The following TDRD12 variants were observed in gnomAD, a reference collection of about 807,000 sequenced individuals.
The protein encoded by TDRD12 is putative ATP-dependent RNA helicase TDRD12.
TDRD12 carries 158 observed loss-of-function variants against 133.5 expected under a neutral mutation model. The observed-to-expected ratio is 1.18, with a 90% confidence interval of 1.04 to 1.35. The LOEUF is 1.35. Ranked by LOEUF, TDRD12 falls within the 40% of genes most tolerant of loss-of-function variation. TDRD12 has a pLI of 0.00. For synonymous variants in TDRD12, 460 were observed against 477.9 expected (o/e 0.96, Z 0.49); for missense variants, 1,443 against 1,321.3 (o/e 1.09, Z -1.43).
chr19:32,740,001 C>T (rs1451789825), intron 3 of TDRD12, among the ~76,000 whole-genome samples: 1 of 104,276 alleles, frequency 9.6e-6, no homozygotes, highest in African/African-American at 4.0e-5. Flanking sequence ...CCTGGGTGCT[C>T]TCTGCATCTC....
At chr19:32,800,478 T>C (rs1037277741) in intron 17 of TDRD12, 120 bp downstream of exon 17, 1 of 989,154 alleles carries the variant, frequency 1.0e-6, no homozygotes, top group Non-Finnish European at 1.4e-6. Context: ...ATTACAGCTT[T>C]GATTTCATAT....
rs774233020 is a variant in TDRD12 at position 32,800,549 on chromosome 19, C to T, written c.1951-95C>T. ...TTTAAATTTATATTGATTTCCTATACATTCTTTTCTATTAAAATCCCAACA... is the reference window on the plus strand; with the variant it reads ...TTTAAATTTATATTGATTTCCTATATATTCTTTTCTATTAAAATCCCAACA... On this transcript the variant is annotated intron_variant, in intron 17 of 27. Transcript: ENST00000444215. The T allele has an allele frequency of 2.0e-4, 217 of 1,062,662 alleles. 1 individual carries two copies. The highest frequency in any genetic ancestry group is 2.7e-4 in the Non-Finnish European group (211 of 776,630). The allele number at this position is 1,062,662 out of a possible 1,614,324, so 65.8% of individuals were successfully genotyped here. A position where few individuals can be genotyped will look rare whatever the true frequency, so the allele number is the denominator to read the frequency against.
At chr19:32,767,097 TTTATTTA>T (rs1568466817) in intron 8 of TDRD12, among the ~76,000 whole-genome samples, 2 of 19,330 alleles carry the variant, frequency 1.0e-4, no homozygotes, top group Admixed American at 3.9e-4. Flanking sequence ...ATGCATTTTA[TTTATTTA>T]TTTATTTATT....
At chr19:32,818,111 C>A (rs1290202529) in exon 27 of TDRD12, 1 of 702,638 alleles carries the variant, frequency 1.4e-6, no homozygotes, top group African/African-American at 1.8e-5. Flanking sequence ...AGGGACCAGT[C>A]CTGCTCAAGA....
At chr19:32,758,659 G>A (rs1048843368) in intron 8 of TDRD12, among the ~76,000 whole-genome samples, 4 of 152,174 alleles carry the variant, frequency 2.6e-5, no homozygotes, top group Non-Finnish European at 4.4e-5. Flanking sequence ...TCAGGGCCAG[G>A]TGCAGTGGCT....
intron 8 of TDRD12, among the ~76,000 whole-genome samples, chr19:32,762,066 CT>C (rs34124163): frequency 0.25 from 38,004 of 152,084 alleles, 5,098 homozygotes; most frequent in Middle Eastern, 0.33. Flanking sequence ...TTTAGGAGTC[CT>C]TTGTACATTT....
At chr19:32,795,442 G>A (rs1207048949) in intron 14 of TDRD12, among the ~76,000 whole-genome samples, 4 of 152,106 alleles carry the variant, frequency 2.6e-5, no homozygotes, top group South Asian at 4.1e-4. Flanking sequence ...CATGAGATGG[G>A]CATTGTTCTG....
At chr19:32,827,211 G>A in exon 10 of TDRD12, 2 of 1,232,076 alleles carry the variant, frequency 1.6e-6, no homozygotes. Context: ...GGTGGTTGAA[G>A]ACAGTAGCAG....
rs1201250520 is a variant in TDRD12, at chr19:32,781,097, C to G, written c.1121+3868C>G. The stretch of plus-strand genomic sequence containing the variant: ...AGCTGGGGCTACAGGCACCCACCAT[C>G]ACGCCTGGCTAATTTTTTTGTATTT... On this transcript the variant is annotated intron_variant, in intron 11 of 27. Coordinates refer to ENST00000444215, the Ensembl canonical transcript of TDRD12. Among the ~76,000 whole-genome samples, 39 of 152,148 alleles carry G rather than the reference C, an allele frequency of 2.6e-4. No homozygotes were observed. In the East Asian group the frequency reaches 3.9e-3, roughly 15 times the overall value.
At chr19:32,738,660 A>G (rs1969297766) in intron 2 of TDRD12, among the ~76,000 whole-genome samples, 196 bp from the exon 3 acceptor site, 1 of 152,114 alleles carries the variant, frequency 6.6e-6, no homozygotes, top group Non-Finnish European at 1.5e-5. Context: ...CTAAAATACA[A>G]AAATTAGCCA....
downstream of TDRD12, chr19:32,821,353 G>T (rs1275376568): frequency 1.7e-6 from 1 of 573,302 alleles, no homozygotes; most frequent in African/African-American, 1.9e-5. Flanking sequence ...CAGATGTTAA[G>T]TGAACAGCTC....
chr19:32,743,290 T>G (rs1051217609), intron 4 of TDRD12, among the ~76,000 whole-genome samples: 1 of 152,106 alleles, frequency 6.6e-6, no homozygotes, highest in African/African-American at 2.4e-5. Context: ...CCAGCAATCC[T>G]CCTACCTCAG....
At chr19:32,794,660 C>T (rs1204727527) in exon 14 of TDRD12, 1 of 702,892 alleles carries the variant, frequency 1.4e-6, no homozygotes. Flanking sequence ...CGGGCCCCAG[C>T]CACACTGAAT....
intron 1 of TDRD12, among the ~76,000 whole-genome samples, chr19:32,723,730 A>G (rs1968767954): frequency 1.3e-5 from 2 of 151,146 alleles, no homozygotes; most frequent in South Asian, 2.1e-4. Context: ...AGAGAAATAT[A>G]TATTAATACA....
intron 14 of TDRD12, among the ~76,000 whole-genome samples, chr19:32,796,463 T>C (rs1001612333): frequency 3.3e-5 from 5 of 151,954 alleles, no homozygotes; most frequent in African/African-American, 1.2e-4. Context: ...CACACGCCTG[T>C]AGTTCCAGCT....
chr19:32,734,994 G>C (rs1969183094), intron 2 of TDRD12, among the ~76,000 whole-genome samples: 1 of 152,144 alleles, frequency 6.6e-6, no homozygotes, highest in Non-Finnish European at 1.5e-5. Context: ...TGTTCTGACT[G>C]CTCCACCATC....
chr19:32,780,642 G>A (rs1471084910), intron 11 of TDRD12, among the ~76,000 whole-genome samples: 1 of 152,220 alleles, frequency 6.6e-6, no homozygotes, highest in South Asian at 2.1e-4. Context: ...CCCACGTCAT[G>A]ATTCTGGTGA....
intron 2 of TDRD12, among the ~76,000 whole-genome samples, chr19:32,737,362 C>A (rs1317914380): frequency 6.6e-6 from 1 of 151,902 alleles, no homozygotes; most frequent in East Asian, 1.9e-4. Context: ...ATGCCACCAT[C>A]CCTGGCTGAT....
At chr19:32,761,264 C>T (rs1442693012) in intron 8 of TDRD12, among the ~76,000 whole-genome samples, 5 of 152,090 alleles carry the variant, frequency 3.3e-5, no homozygotes, top group East Asian at 1.9e-4. Context: ...TACAGGCGCC[C>T]GCCACCAAGC....
Sources: allele counts gnomAD v4.1 joint callset (sites outside exome capture counted in the v4.1 genomes callset), GRCh38; gene constraint gnomAD v4.1.1; transcripts MANE v1.5; gene names NCBI Gene and HGNC (gene_info 2026-07-23, HGNC 2026-07-21).